The following FSTL5 variants were observed in gnomAD, a reference collection of about 807,000 sequenced individuals.
FSTL5 encodes follistatin-related protein 5.
In FSTL5, 62 loss-of-function variants were observed where a neutral mutation model predicts 89.1. The ratio of observed to expected loss-of-function variants is 0.70; its 90% CI spans 0.57 to 0.86. The LOEUF (loss-of-function observed/expected upper bound fraction) is 0.86, where lower values mean the gene tolerates loss of function less well. FSTL5 is among the 40% of genes least tolerant of loss of function. The probability of loss-of-function intolerance (pLI) is 0.00; values close to 1 mark genes in which losing one functional copy is unlikely to be tolerated. For synonymous variants in FSTL5, 383 were observed against 346.2 expected (o/e 1.11, Z -1.18); for missense variants, 1,057 against 1,001.6 (o/e 1.06, Z -0.75).
intron 5 of FSTL5, among the ~76,000 whole-genome samples, chr4:161,775,543 G>C (rs1241438103): frequency 6.6e-6 from 1 of 152,060 alleles, no homozygotes; most frequent in Non-Finnish European, 1.5e-5. Context: ...TTGACTTATA[G>C]AAAGTTAAAC....
At chr4:162,012,388 T>C (rs1384480942) in intron 3 of FSTL5, among the ~76,000 whole-genome samples, 1 of 152,214 alleles carries the variant, frequency 6.6e-6, no homozygotes, top group Non-Finnish European at 1.5e-5. Flanking sequence ...TCTTTTGCAT[T>C]GATATAACCT....
At position 161,998,779 on chromosome 4, in the gene FSTL5, T is replaced by C. The variant is rs534600972; in HGVS notation, c.160+34846A>G. The stretch of plus-strand genomic sequence containing the variant: ...GTTAGGTCATTGATGTCTCCTGCTA[T>C]ACAAAAGGAATTGCATAGACAGATT... On this transcript the variant is annotated intron_variant, in intron 3 of 15. Transcript: ENST00000306100. 2.6e-5 allele frequency among the ~76,000 whole-genome samples: 4 copies of C among 152,224 alleles called. No individual in the cohort carries two copies. In the East Asian group the frequency reaches 7.7e-4, roughly 29 times the overall value.
chr4:161,832,219 G>A (rs1264597070), intron 4 of FSTL5, among the ~76,000 whole-genome samples: 1 of 152,076 alleles, frequency 6.6e-6, no homozygotes, highest in Non-Finnish European at 1.5e-5. Flanking sequence ...AGAATTCACA[G>A]ATGATATGAA....
At chr4:161,578,570 C>T (rs1333484481) in intron 8 of FSTL5, among the ~76,000 whole-genome samples, 7 of 151,936 alleles carry the variant, frequency 4.6e-5, no homozygotes, top group East Asian at 1.9e-4. Context: ...AATGGCCAAA[C>T]GTTTATTCAA....
intron 4 of FSTL5, among the ~76,000 whole-genome samples, chr4:161,791,149 T>C (rs1434025784): frequency 6.6e-6 from 1 of 151,196 alleles, no homozygotes; most frequent in African/African-American, 2.4e-5. Flanking sequence ...TGTGAAAAGA[T>C]GGCAAGCATT....
chr4:161,759,452 G>A lies in FSTL5; in HGVS notation c.686C>T (p.Ala229Val). 1.3e-6 allele frequency: 2 copies of A among 1,595,340 alleles called. No individual in the cohort carries two copies. The change falls in exon 6 of 16, where the codon GCT (alanine) becomes GTT (valine). Residue 229 changes from alanine to valine, a missense_variant. Physicochemically the swap from Ala to Val is moderately conservative, Grantham distance 64. Coordinates refer to ENST00000306100, the MANE Select transcript of FSTL5 (RefSeq NM_020116.5). The stretch of plus-strand genomic sequence containing the variant: ...TTCTTCAAGAGCCAGGTGCTTGTCA[G>A]CATTAAAATCATCATATTTCAATAG... ...YVLLKYDDFNADKHLALEEFY... is the reference protein window; with the variant it reads ...YVLLKYDDFNVDKHLALEEFY...
intron 1 of FSTL5, among the ~76,000 whole-genome samples, chr4:162,149,851 G>A (rs1388826566): frequency 1.3e-5 from 2 of 152,040 alleles, no homozygotes; most frequent in African/African-American, 4.8e-5. Context: ...CGTTCAGTTT[G>A]ACATCTGTTA....
chr4:161,725,036 A>G (rs1170992155), intron 6 of FSTL5, among the ~76,000 whole-genome samples: 1 of 152,112 alleles, frequency 6.6e-6, no homozygotes, highest in Non-Finnish European at 1.5e-5. Context: ...TCTCTACTAA[A>G]AATACAAAAA....
At chr4:161,672,709 A>G (rs1353770678) in intron 6 of FSTL5, among the ~76,000 whole-genome samples, 3 of 148,986 alleles carry the variant, frequency 2.0e-5, no homozygotes, top group Non-Finnish European at 4.4e-5. Context: ...AAGAAATTAA[A>G]AAAAAAAAAC....
chr4:162,143,785 TACACACACAC>T (rs70946245), intron 1 of FSTL5, among the ~76,000 whole-genome samples: 67,621 of 138,492 alleles, frequency 0.49, 15,629 homozygotes, highest in Admixed American at 0.55. Flanking sequence ...TGACTTTAAA[TACACACACAC>T]ACACACACAC....
At chr4:161,842,599 T>C (rs560452670) in intron 4 of FSTL5, among the ~76,000 whole-genome samples, 2 of 152,176 alleles carry the variant, frequency 1.3e-5, no homozygotes, top group African/African-American at 4.8e-5. Context: ...ATTTCCTATG[T>C]CCCAAAAATC....
intron 15 of FSTL5, among the ~76,000 whole-genome samples, chr4:161,426,106 G>T (rs1215786608): frequency 6.6e-6 from 1 of 151,854 alleles, no homozygotes; most frequent in African/African-American, 2.4e-5. Flanking sequence ...TATTTATACT[G>T]TGTAATTCAT....
At chr4:162,161,911 T>A (rs1561053188) in intron 1 of FSTL5, among the ~76,000 whole-genome samples, 1 of 152,046 alleles carries the variant, frequency 6.6e-6, no homozygotes. Context: ...CTCTGTGTAT[T>A]TAAAGGAGAT....
chr4:161,516,368 G>A (rs1022392852), intron 10 of FSTL5, among the ~76,000 whole-genome samples: 1 of 137,368 alleles, frequency 7.3e-6, no homozygotes, highest in Non-Finnish European at 1.6e-5. Flanking sequence ...TGCCACTACT[G>A]TTATATATAT....
chr4:161,577,756 TTA>T (rs1266364830), intron 8 of FSTL5, among the ~76,000 whole-genome samples: 1 of 152,094 alleles, frequency 6.6e-6, no homozygotes, highest in Non-Finnish European at 1.5e-5. Flanking sequence ...AGGCAAAATT[TTA>T]TGACTACGGA....
chr4:161,991,531 G>A (rs1189054583), intron 3 of FSTL5, among the ~76,000 whole-genome samples: 2 of 152,066 alleles, frequency 1.3e-5, no homozygotes, highest in Non-Finnish European at 2.9e-5. Context: ...AATATTCTAG[G>A]GACAGGGTGT....
At chr4:161,445,311 C>A (rs1732908684) in intron 15 of FSTL5, among the ~76,000 whole-genome samples, 1 of 151,776 alleles carries the variant, frequency 6.6e-6, no homozygotes, top group African/African-American at 2.4e-5. Context: ...TTAAAATTGT[C>A]ATTCATTTAC....
intron 4 of FSTL5, among the ~76,000 whole-genome samples, chr4:161,874,687 A>G (rs1298864668): frequency 6.6e-6 from 1 of 150,912 alleles, no homozygotes; most frequent in African/African-American, 2.4e-5. Context: ...GAGTTGATGA[A>G]TCTTCTTTTC....
chr4:161,817,460 GA>G (rs1730357240), intron 4 of FSTL5, among the ~76,000 whole-genome samples: 1 of 152,116 alleles, frequency 6.6e-6, no homozygotes. Context: ...GAGGCTGCAC[GA>G]AAGTTAAAAT....
Sources: allele counts gnomAD v4.1 joint callset (sites outside exome capture counted in the v4.1 genomes callset), GRCh38; gene constraint gnomAD v4.1.1; transcripts MANE v1.5; gene names NCBI Gene and HGNC (gene_info 2026-07-23, HGNC 2026-07-21).